The following RARB variants were observed in gnomAD, a reference collection of about 807,000 sequenced individuals.
RARB encodes HBV-activated protein.
A neutral mutation model predicts 51.9 loss-of-function variants in RARB; 17 were observed. That is an observed-to-expected ratio of 0.33 (90% CI 0.22 to 0.49). RARB has a LOEUF of 0.49. Among genes scored for constraint, RARB ranks in the 20% least tolerant of loss-of-function variants. RARB has a pLI of 0.99. For missense variants in RARB, 369 were observed against 550.8 expected (o/e 0.67, Z 3.30); for synonymous variants, 215 against 195.4 (o/e 1.10, Z -0.84).
intron 2 of RARB, among the ~76,000 whole-genome samples, chr3:24,915,243 G>C (rs1478592280): frequency 1.3e-5 from 2 of 152,142 alleles, no homozygotes; most frequent in East Asian, 1.9e-4. Context: ...TGTGATATAA[G>C]TCAAACATGT....
At chr3:24,900,693 G>T (rs1170174248) in intron 2 of RARB, among the ~76,000 whole-genome samples, 1 of 152,120 alleles carries the variant, frequency 6.6e-6, no homozygotes, top group Non-Finnish European at 1.5e-5. Flanking sequence ...TCTAAAGATG[G>T]GATGAGACAG....
At chr3:24,838,289 A>G (rs550862000) in intron 1 of RARB, among the ~76,000 whole-genome samples, 18 of 152,202 alleles carry the variant, frequency 1.2e-4, no homozygotes, top group Non-Finnish European at 1.8e-4. Context: ...TAGATAATCC[A>G]GGATAATATC....
rs753955955 is a variant in RARB, at chr3:25,569,849, C to T, written c.540C>T (p.Leu180=). 6.2e-7 allele frequency: 1 copy of T among 1,614,210 alleles called. No individual in the cohort carries two copies. Among genetic ancestry groups the T allele is most frequent in the African/African-American group, 1.3e-5 (1 of 75,054 alleles). Residue 180 remains leucine, a synonymous_variant, in exon 4 of 8, where the codon CTC becomes CTT. Transcript: ENST00000330688. ...SYEMTAELDD[L]TEKIRKAHQE... is the part of the protein sequence containing the mutation. The stretch of plus-strand genomic sequence containing the variant: ...AAATGACAGCTGAGTTGGACGATCT[C>T]ACAGAGAAGATCCGAAAAGCTCACC...
intron 2 of RARB, among the ~76,000 whole-genome samples, chr3:25,494,586 A>G (rs1696930216): frequency 6.6e-6 from 1 of 152,178 alleles, no homozygotes; most frequent in Non-Finnish European, 1.5e-5. Context: ...GGCATCTTAC[A>G]TAGTGTTCAC....
At chr3:25,162,290 G>A (rs1700486194) in intron 4 of RARB, among the ~76,000 whole-genome samples, 2 of 151,962 alleles carry the variant, frequency 1.3e-5, no homozygotes, top group Non-Finnish European at 2.9e-5. Context: ...TTTTATTTTT[G>A]TAGAAACAGA....
intron 5 of RARB, among the ~76,000 whole-genome samples, chr3:25,228,217 G>GTTTTTTT (rs55796125): frequency 1.9e-5 from 2 of 105,604 alleles, no homozygotes; most frequent in African/African-American, 7.6e-5. Context: ...GACTTTGAGG[G>GTTTTTTT]TTTTTTTTTT....
chr3:25,186,782 A>G (rs969275372), intron 5 of RARB, among the ~76,000 whole-genome samples: 18 of 152,198 alleles, frequency 1.2e-4, no homozygotes, highest in Admixed American at 2.6e-4. Flanking sequence ...GACACCTATA[A>G]CAAAAGACAG....
At chr3:25,003,334 T>A (rs1336897211) in intron 2 of RARB, among the ~76,000 whole-genome samples, 4 of 152,154 alleles carry the variant, frequency 2.6e-5, no homozygotes, top group Admixed American at 6.6e-5. Context: ...GCTCAGCATG[T>A]CAGAATGGAC....
intron 1 of RARB, among the ~76,000 whole-genome samples, chr3:25,459,912 A>G (rs1695090165): frequency 6.6e-6 from 1 of 152,160 alleles, no homozygotes; most frequent in Non-Finnish European, 1.5e-5. Flanking sequence ...GAGCATATTT[A>G]CCTGTGATAG....
intron 5 of RARB, chr3:25,260,074 C>T (rs1272420463): frequency 5.4e-5 from 44 of 819,450 alleles, no homozygotes; most frequent in Non-Finnish European, 6.3e-5. Flanking sequence ...TTTTCTTGGG[C>T]ACAAGGCCCA....
intron 2 of RARB, among the ~76,000 whole-genome samples, chr3:24,889,975 T>C (rs1703346343): frequency 6.6e-6 from 1 of 151,784 alleles, no homozygotes; most frequent in Non-Finnish European, 1.5e-5. Context: ...ACCTTAATAA[T>C]GAATGTTGTA....
At chr3:25,575,271 C>T (rs930459452) in intron 4 of RARB, among the ~76,000 whole-genome samples, 11 of 152,182 alleles carry the variant, frequency 7.2e-5, no homozygotes, top group Admixed American at 6.5e-4. Context: ...CACCTCCTGC[C>T]GTGCGGCCCA....
chr3:24,871,816 A>G, intron 2 of RARB, among the ~76,000 whole-genome samples: 1 of 152,208 alleles, frequency 6.6e-6, no homozygotes, highest in East Asian at 1.9e-4. Context: ...ACTAATCAGA[A>G]CAAAACCTTG....
At chr3:24,919,561 C>G (rs1043241302) in intron 2 of RARB, among the ~76,000 whole-genome samples, 4 of 152,200 alleles carry the variant, frequency 2.6e-5, no homozygotes, top group Non-Finnish European at 5.9e-5. Context: ...AATGTTCTTT[C>G]ACCACGTGGC....
chr3:25,480,193 A>G (rs1696156493), intron 2 of RARB, among the ~76,000 whole-genome samples: 1 of 152,224 alleles, frequency 6.6e-6, no homozygotes, highest in African/African-American at 2.4e-5. Context: ...ATCCAGTTTC[A>G]TCTTTTGTGT....
At chr3:25,527,469 A>C (rs1698703673) in intron 3 of RARB, among the ~76,000 whole-genome samples, 1 of 152,206 alleles carries the variant, frequency 6.6e-6, no homozygotes, top group Non-Finnish European at 1.5e-5. Flanking sequence ...AGAGGTCAAA[A>C]AAGCTGTGCT....
chr3:25,369,160 C>G (rs980137138), intron 5 of RARB, among the ~76,000 whole-genome samples: 3 of 152,104 alleles, frequency 2.0e-5, no homozygotes, highest in African/African-American at 7.2e-5. Context: ...TCACAGAGAA[C>G]TCAAAAATAC....
At chr3:24,833,682 C>T (rs1702309232) in intron 1 of RARB, among the ~76,000 whole-genome samples, 1 of 152,206 alleles carries the variant, frequency 6.6e-6, no homozygotes. Flanking sequence ...CAGTACCATA[C>T]TAATTGTTCA....
intron 4 of RARB, among the ~76,000 whole-genome samples, chr3:25,153,517 G>A (rs558796537): frequency 2.0e-5 from 3 of 152,272 alleles, no homozygotes; most frequent in East Asian, 1.9e-4. Flanking sequence ...AATGAGGTTA[G>A]GGTTGGAAAG....
Sources: allele counts gnomAD v4.1 joint callset (sites outside exome capture counted in the v4.1 genomes callset), GRCh38; gene constraint gnomAD v4.1.1; transcripts MANE v1.5; gene names NCBI Gene and HGNC (gene_info 2026-07-23, HGNC 2026-07-21).